The following KIAA1217 variants were observed in gnomAD, a reference collection of about 807,000 sequenced individuals.
KIAA1217 encodes KIAA1217.
Under a neutral mutation model 163.9 loss-of-function variants are expected in KIAA1217, and 88 were observed. The observed-to-expected ratio is 0.54, with a 90% confidence interval of 0.45 to 0.64. The LOEUF (loss-of-function observed/expected upper bound fraction) is 0.64, where lower values mean the gene tolerates loss of function less well. Among genes scored for constraint, KIAA1217 ranks in the 30% least tolerant of loss-of-function variants. The probability of loss-of-function intolerance (pLI) is 0.00; values close to 1 mark genes in which losing one functional copy is unlikely to be tolerated. For missense variants in KIAA1217, 2,372 were observed against 2,475.0 expected, an observed-to-expected ratio of 0.96 and a Z score of 0.88; for synonymous variants, 903 against 923.1, an observed-to-expected ratio of 0.98 and a Z score of 0.39.
intron 10 of KIAA1217, among the ~76,000 whole-genome samples, chr10:24,519,571 G>A (rs11014138): frequency 0.078 from 11,892 of 152,074 alleles, 1,101 homozygotes; most frequent in African/African-American, 0.23. Context: ...GGGTAGGCAA[G>A]GTTTCTACTG....
At chr10:24,157,977 A>C in intron 2 of KIAA1217, 1 of 752,600 alleles carries the variant, frequency 1.3e-6, no homozygotes, top group Non-Finnish European at 2.4e-6. Flanking sequence ...GTGACTCCAC[A>C]ATCTCGATCA....
At chr10:24,122,527 T>C (rs1468622809) in intron 2 of KIAA1217, among the ~76,000 whole-genome samples, 1 of 152,146 alleles carries the variant, frequency 6.6e-6, no homozygotes. Flanking sequence ...ACCAGGTGAT[T>C]ATATGCTTGA....
intron 1 of KIAA1217, among the ~76,000 whole-genome samples, chr10:23,950,688 G>C (rs1844298293): frequency 6.6e-6 from 1 of 152,096 alleles, no homozygotes; most frequent in African/African-American, 2.4e-5. Flanking sequence ...CTGACCCTGG[G>C]CTCAAAACTA....
At chr10:23,934,938 CT>C (rs1843461016) in intron 1 of KIAA1217, among the ~76,000 whole-genome samples, 1 of 151,796 alleles carries the variant, frequency 6.6e-6, no homozygotes, top group African/African-American at 2.4e-5. Context: ...TTTTAAAGTT[CT>C]GTAGCATAAA....
At chr10:23,938,015 T>C (rs1367797028) in intron 1 of KIAA1217, among the ~76,000 whole-genome samples, 7 of 152,104 alleles carry the variant, frequency 4.6e-5, no homozygotes, top group African/African-American at 1.7e-4. Context: ...TCACAGGGCA[T>C]GGTATTAGTA....
Position 24,543,900 on chromosome 10 carries a change from AACAAGTTCAGCCACGTGG to A in KIAA1217, c.4632_4649del (p.Lys1545_Asp1550del). On this transcript the variant is annotated inframe_deletion, in exon 19 of 21. Coordinates refer to ENST00000376454, the MANE Select transcript of KIAA1217 (RefSeq NM_019590.5). ...ACAGGAAATGAACAGAACGGAGCTG[AACAAGTTCAGCCACGTGG>A]ATTCTCCAAATTCGGAATGCAAGGG... 6.2e-7 allele frequency: 1 copy of A among 1,614,104 alleles called. No homozygotes were observed. Among genetic ancestry groups the A allele is most frequent in the Non-Finnish European group, 8.5e-7 (1 of 1,180,026 alleles).
intron 1 of KIAA1217, among the ~76,000 whole-genome samples, chr10:23,983,593 C>T (rs1013596054): frequency 2.6e-5 from 4 of 152,170 alleles, no homozygotes; most frequent in Admixed American, 6.5e-5. Flanking sequence ...ATAAGCCATT[C>T]ATGAGAACTC....
At position 23,985,323 on chromosome 10, in the gene KIAA1217, C is replaced by T. The variant is rs536155582; in HGVS notation, c.-320-21902C>T. The stretch of plus-strand genomic sequence containing the variant: ...CTACATGTCCTAGAATTTCTGGACT[C>T]TCTTCTATTTGCACACTGGTCTTTT... On this transcript the variant is annotated intron_variant, in intron 1 of 18. Coordinates refer to the KIAA1217 transcript ENST00000376462. 2.6e-5 allele frequency among the ~76,000 whole-genome samples: 4 copies of T among 152,270 alleles called. No homozygotes were observed. In the East Asian group the frequency reaches 7.7e-4, roughly 29 times the overall value.
chr10:24,055,949 A>G (rs1386008393), intron 2 of KIAA1217, among the ~76,000 whole-genome samples: 1 of 150,300 alleles, frequency 6.7e-6, no homozygotes, highest in Admixed American at 6.6e-5. Context: ...AGCTAAAAAC[A>G]CTAAATTTAA....
At chr10:23,786,072 G>A (rs1357251453) in intron 1 of KIAA1217, among the ~76,000 whole-genome samples, 1 of 152,096 alleles carries the variant, frequency 6.6e-6, no homozygotes, top group East Asian at 1.9e-4. Flanking sequence ...AAAATTACAA[G>A]GCAAGTAGTG....
At chr10:24,298,657 G>T (rs1305314002) in intron 2 of KIAA1217, among the ~76,000 whole-genome samples, 4 of 152,110 alleles carry the variant, frequency 2.6e-5, no homozygotes, top group African/African-American at 4.8e-5. Context: ...AATTAGCCGG[G>T]CATGGTAGTA....
At chr10:24,384,152 G>A (rs1288477657) in intron 3 of KIAA1217, among the ~76,000 whole-genome samples, 1 of 152,180 alleles carries the variant, frequency 6.6e-6, no homozygotes, top group Non-Finnish European at 1.5e-5. Context: ...CGCTGTTGAT[G>A]CCATCTGGAA....
intron 5 of KIAA1217, among the ~76,000 whole-genome samples, chr10:24,467,764 A>G: frequency 6.6e-6 from 1 of 151,906 alleles, no homozygotes; most frequent in Non-Finnish European, 1.5e-5. Context: ...GGACTGGGAT[A>G]TATTAATGTG....
Position 23,792,414 on chromosome 10 carries a change from T to A in KIAA1217, c.-321+97180T>A, listed in dbSNP as rs1167147653. Among the ~76,000 whole-genome samples the A allele has an allele frequency of 2.6e-5, 4 of 152,304 alleles. No homozygotes were observed. In the East Asian group the frequency reaches 7.7e-4, roughly 29 times the overall value. ...TAGTAAACTTTCCGCATATTAGTCT[T>A]TTTGAATGGACCTAACTTGAATGTC... On this transcript the variant is annotated intron_variant, in intron 1 of 18. Coordinates refer to the KIAA1217 transcript ENST00000376462.
At chr10:24,126,556 C>A (rs1238342756) in intron 2 of KIAA1217, among the ~76,000 whole-genome samples, 24 of 152,084 alleles carry the variant, frequency 1.6e-4, no homozygotes. Context: ...GGATTATGAG[C>A]TCATCTTCAA....
At chr10:23,898,900 G>A (rs1841831800) in intron 1 of KIAA1217, among the ~76,000 whole-genome samples, 1 of 152,022 alleles carries the variant, frequency 6.6e-6, no homozygotes, top group African/African-American at 2.4e-5. Context: ...GTTATATCAT[G>A]TCAGAATTTC....
chr10:24,372,737 A>G (rs1329389007), intron 2 of KIAA1217, among the ~76,000 whole-genome samples: 1 of 152,212 alleles, frequency 6.6e-6, no homozygotes, highest in African/African-American at 2.4e-5. Flanking sequence ...TCCAATTACT[A>G]AATTATACCC....
chr10:23,755,068 A>C (rs559876292), intron 1 of KIAA1217, among the ~76,000 whole-genome samples: 1 of 152,310 alleles, frequency 6.6e-6, no homozygotes, highest in South Asian at 2.1e-4. Context: ...AGACTGTGTA[A>C]TTGTCAGGAC....
At chr10:24,074,703 C>CTTT (rs35168053) in intron 2 of KIAA1217, among the ~76,000 whole-genome samples, 24 of 99,446 alleles carry the variant, frequency 2.4e-4, no homozygotes, top group South Asian at 3.9e-4. Flanking sequence ...TCTTCTTCTT[C>CTTT]TTTTTTTTTT....
Sources: gnomAD v4.1 joint callset for allele counts (sites outside exome capture counted in the v4.1 genomes callset) on GRCh38, gnomAD v4.1.1 for gene constraint, MANE v1.5 for transcripts, NCBI Gene and HGNC (gene_info 2026-07-23, HGNC 2026-07-21) for gene names.